TM9SF3: variants seen among roughly 807,000 people sequenced by gnomAD.
TM9SF3 encodes transmembrane 9 superfamily member 3, also known as SM-11044-binding protein.
A neutral mutation model predicts 78.6 loss-of-function variants in TM9SF3; 14 were observed. The ratio of observed to expected loss-of-function variants is 0.18; its 90% CI spans 0.12 to 0.28. TM9SF3 has a LOEUF of 0.28. Ranked by LOEUF, TM9SF3 falls within the 10% of genes least tolerant of loss-of-function variation. The probability of loss-of-function intolerance (pLI) is 1.00; values close to 1 mark genes in which losing one functional copy is unlikely to be tolerated. For missense variants in TM9SF3, 496 were observed against 721.9 expected (o/e 0.69, Z 3.59); for synonymous variants, 231 against 241.7 (o/e 0.96, Z 0.41).
intron 7 of TM9SF3, among the ~76,000 whole-genome samples, chr10:96,548,577 C>T (rs953351802): frequency 3.9e-5 from 6 of 151,948 alleles, no homozygotes; most frequent in East Asian, 1.9e-4. Flanking sequence ...GTGGGCAGAT[C>T]ACGTGAGGTC....
chr10:96,543,715 C>A (rs1213928331), intron 9 of TM9SF3: 1 of 155,286 alleles, frequency 6.4e-6, no homozygotes, highest in Non-Finnish European at 1.4e-5. Context: ...TCTACCACTG[C>A]ACTCACCTAT....
In TM9SF3 at chr10:96,520,601, T is replaced by TA. The variant is rs1847754141; in HGVS notation, c.*1661dup. 3.6e-6 allele frequency: 1 copy of TA among 277,882 alleles called. No homozygotes were observed. Among genetic ancestry groups the TA allele is most frequent in the Non-Finnish European group, 6.5e-6 (1 of 154,928 alleles). 17.2% of individuals were successfully genotyped at this position (277,882 alleles called of 1,614,324 possible). A position where few individuals can be genotyped will look rare whatever the true frequency, so the allele number is the denominator to read the frequency against. ...GGTGGTCATTTGCATAGCAAACTAT[T>TA]AAACTAGAAACTCAGTGGTTCTAGG... On this transcript the variant is annotated 3_prime_UTR_variant, in exon 15 of 15. Transcript: ENST00000371142.
chr10:96,576,695 A>C lies in TM9SF3; in HGVS notation c.237T>G (p.Thr79=). The change falls in exon 2 of 15, where the codon ACT becomes ACG. Residue 79 remains threonine, a synonymous_variant. Transcript: ENST00000371142. Reference sequence around the variant, plus strand: ...CAACCCCTTGAAGTGCTTCTCCCAGAGTTTCATGGTAATGACTGATACTTT... The same window carrying C: ...CAACCCCTTGAAGTGCTTCTCCCAGCGTTTCATGGTAATGACTGATACTTT... ...SKKSISHYHE[T]LGEALQGVEL... is the part of the protein sequence containing the mutation. 1 of 1,610,010 alleles carries C rather than the reference A, an allele frequency of 6.2e-7. No homozygotes were observed.
rs1186003378 is a variant in TM9SF3, at chr10:96,519,440, T to G, written c.*2823A>C. The G allele has an allele frequency of 6.6e-6, 1 of 151,970 alleles. No individual in the cohort carries two copies. Among genetic ancestry groups the G allele is most frequent in the Non-Finnish European group, 1.5e-5 (1 of 67,860 alleles). The allele number at this position is 151,970 out of a possible 1,614,324, so 9.4% of individuals were successfully genotyped here. A position where few individuals can be genotyped will look rare whatever the true frequency, so the allele number is the denominator to read the frequency against. Reference sequence around the variant, plus strand: ...AACATGATGAAAAATACTAAAAGAATGCTTCACCATCCCTCAGGCCATTAC... The same window carrying G: ...AACATGATGAAAAATACTAAAAGAAGGCTTCACCATCCCTCAGGCCATTAC... On this transcript the variant is annotated 3_prime_UTR_variant, in exon 15 of 15. Transcript: ENST00000371142.
chr10:96,552,845 G>A, intron 6 of TM9SF3, 83 bp downstream of exon 6: 2 of 1,287,908 alleles, frequency 1.6e-6, no homozygotes, highest in Non-Finnish European at 2.0e-6. Flanking sequence ...CTTCCGGTAA[G>A]AAATTATGAC....
chr10:96,555,114 C>T (rs1468953258), intron 5 of TM9SF3, among the ~76,000 whole-genome samples: 1 of 150,920 alleles, frequency 6.6e-6, no homozygotes, highest in Non-Finnish European at 1.5e-5. Context: ...TCATATATCA[C>T]TCCTCTATTC....
rs563155292 is a variant in TM9SF3, at chr10:96,561,918, C to T, written c.582+60G>A. 9.5e-5 allele frequency: 137 copies of T among 1,437,250 alleles called. No individual in the cohort carries two copies. The African/African-American group carries it at 1.7e-3, about 18-fold the overall frequency. The allele number at this position is 1,437,250 out of a possible 1,614,324, so 89.0% of individuals were successfully genotyped here. On this transcript the variant is annotated intron_variant, in intron 4 of 14. Coordinates refer to ENST00000371142, the MANE Select transcript of TM9SF3 (RefSeq NM_020123.4). ...TTTCATTTACTAAAGTTCAAAGCCA[C>T]AAATTGTTGACATCGGGTCACAAAC...
chr10:96,543,373 C>T (rs1848057568), intron 9 of TM9SF3, among the ~76,000 whole-genome samples: 1 of 115,260 alleles, frequency 8.7e-6, no homozygotes, highest in African/African-American at 3.3e-5. Context: ...CTGGCTCTGT[C>T]GCCCAGGCTG....
rs756967688 is a variant in TM9SF3 at position 96,576,591 on chromosome 10, T to C, written c.298+43A>G. ...AGTGCCAAAATATGAAACCCTTGTCTACAATCCAAATTGCATTGTAAGGAC... is the reference window on the plus strand; with the variant it reads ...AGTGCCAAAATATGAAACCCTTGTCCACAATCCAAATTGCATTGTAAGGAC... On this transcript the variant is annotated intron_variant, in intron 2 of 14. Coordinates refer to ENST00000371142, the MANE Select transcript of TM9SF3 (RefSeq NM_020123.4). The C allele has an allele frequency of 6.6e-6, 10 of 1,512,014 alleles. No individual in the cohort carries two copies. In the South Asian group the frequency reaches 1.1e-4, roughly 16 times the overall value. The allele number at this position is 1,512,014 out of a possible 1,614,324, so 93.7% of individuals were successfully genotyped here.
rs114190084 is a variant in TM9SF3, at chr10:96,561,853, G to C, written c.582+125C>G. The C allele has an allele frequency of 3.2e-3, 2,585 of 804,774 alleles. 41 individuals carry two copies. The African/African-American group carries it at 0.038, about 12-fold the overall frequency. 49.9% of individuals were successfully genotyped at this position (804,774 alleles called of 1,614,324 possible). On this transcript the variant is annotated intron_variant, in intron 4 of 14. Transcript: ENST00000371142. Reference sequence around the variant, plus strand: ...TACTTACGTACACTGAGAAAATATAGTTTTAATAATATTCTGTTGCATCCC... The same window carrying C: ...TACTTACGTACACTGAGAAAATATACTTTTAATAATATTCTGTTGCATCCC...
At chr10:96,542,223 G>A (rs767480196) in intron 9 of TM9SF3, among the ~76,000 whole-genome samples, 2 of 152,124 alleles carry the variant, frequency 1.3e-5, no homozygotes, top group South Asian at 2.1e-4. Context: ...ACTCTTAAAC[G>A]GAGAAAAGGA....
At chr10:96,548,973 A>G (rs1344303696) in intron 7 of TM9SF3, among the ~76,000 whole-genome samples, 7 of 152,136 alleles carry the variant, frequency 4.6e-5, no homozygotes, top group African/African-American at 1.4e-4. Flanking sequence ...GAGGGAGGCA[A>G]CAGTCCTCCT....
chr10:96,529,566 A>G (rs552068458), intron 11 of TM9SF3, among the ~76,000 whole-genome samples: 6 of 152,204 alleles, frequency 3.9e-5, no homozygotes, highest in Non-Finnish European at 5.9e-5. Flanking sequence ...AAAAGGCTGG[A>G]AAACACAGGA....
In TM9SF3 at chr10:96,562,086, A is replaced by G. The variant is rs746650401; in HGVS notation, c.474T>C (p.Tyr158=). Residue 158 remains tyrosine (Y), a synonymous_variant, in exon 4 of 15, where the codon TAT becomes TAC. Transcript: ENST00000371142. ...CATTAAAACCTATTTCAAGTTTTTT[A>G]TAGGTCCAAAGATAGTAATCTTCTC... is the stretch of plus-strand genomic sequence containing the variant. ...ENGEDYYLWT[Y]KKLEIGFNGN... 7.4e-6 allele frequency: 12 copies of G among 1,613,358 alleles called. No homozygotes were observed. The highest frequency in any genetic ancestry group is 6.8e-6 in the Non-Finnish European group (8 of 1,179,688).
chr10:96,562,485 C>T (rs1003312439), intron 3 of TM9SF3, among the ~76,000 whole-genome samples: 1 of 152,278 alleles, frequency 6.6e-6, no homozygotes, highest in South Asian at 2.1e-4. Context: ...GAAGTGCTTA[C>T]ATCACCATCT....
At chr10:96,542,000 G>C (rs1412854016) in intron 9 of TM9SF3, among the ~76,000 whole-genome samples, 1 of 152,196 alleles carries the variant, frequency 6.6e-6, no homozygotes, top group Non-Finnish European at 1.5e-5. Flanking sequence ...AGAAAGCCCT[G>C]AGCATTAAAA....
intron 8 of TM9SF3, among the ~76,000 whole-genome samples, chr10:96,546,605 C>T (rs1194117076): frequency 6.6e-6 from 1 of 152,140 alleles, no homozygotes; most frequent in Non-Finnish European, 1.5e-5. Flanking sequence ...TAATTTCCCA[C>T]ACCTGCGAGT....
At chr10:96,570,098 GTAAT>G (rs1848423308) in intron 2 of TM9SF3, among the ~76,000 whole-genome samples, 1 of 152,182 alleles carries the variant, frequency 6.6e-6, no homozygotes, top group Non-Finnish European at 1.5e-5. Context: ...ATTTAAAAGA[GTAAT>G]TAACAGTATG....
At chr10:96,548,155 G>C (rs149866377) in intron 7 of TM9SF3, among the ~76,000 whole-genome samples, 166 bp from the exon 8 acceptor site, 1 of 152,146 alleles carries the variant, frequency 6.6e-6, no homozygotes, top group African/African-American at 2.4e-5. Flanking sequence ...TATAGTGAAT[G>C]AATTTGTAGT....
Sources: gnomAD v4.1 joint callset for allele counts (sites outside exome capture counted in the v4.1 genomes callset) on GRCh38, gnomAD v4.1.1 for gene constraint, MANE v1.5 for transcripts, NCBI Gene and HGNC (gene_info 2026-07-23, HGNC 2026-07-21) for gene names.